CACNA1A: variants seen among roughly 807,000 people sequenced by gnomAD.
CACNA1A encodes voltage-dependent P/Q-type calcium channel subunit alpha-1A.
CACNA1A carries 57 observed loss-of-function variants against 262.4 expected under a neutral mutation model. The ratio of observed to expected loss-of-function variants is 0.22; its 90% confidence interval spans 0.18 to 0.27. CACNA1A has a LOEUF of 0.27. Among genes scored for constraint, CACNA1A ranks in the 10% least tolerant of loss-of-function variants. The probability of loss-of-function intolerance (pLI) is 1.00; values close to 1 mark genes in which losing one functional copy is unlikely to be tolerated. For synonymous variants in CACNA1A, 1,431 were observed against 1,419.3 expected, an observed-to-expected ratio of 1.01 and a Z score of -0.18; for missense variants, 2,526 against 3,562.8, an observed-to-expected ratio of 0.71 and a Z score of 7.41.
At chr19:13,264,447 C>T (rs1243840352) in intron 24 of CACNA1A, among the ~76,000 whole-genome samples, 2 of 152,256 alleles carry the variant, frequency 1.3e-5, no homozygotes, top group Non-Finnish European at 2.9e-5. Context: ...CACTCTTTCT[C>T]TTGCTCAGAA....
intron 19 of CACNA1A, among the ~76,000 whole-genome samples, chr19:13,287,222 G>T (rs1419709892): frequency 6.6e-6 from 1 of 152,078 alleles, no homozygotes; most frequent in African/African-American, 2.4e-5. Flanking sequence ...GTGGCGCTGT[G>T]TGCCTGTAGT....
At chr19:13,235,384 G>A (rs1427014305) in intron 32 of CACNA1A, 110 bp from the exon 33 acceptor site, 11 of 1,065,950 alleles carry the variant, frequency 1.0e-5, no homozygotes, top group Admixed American at 2.0e-5. Context: ...CATATGCCAC[G>A]TGCCAGAGTC....
At chr19:13,245,044 C>G in intron 31 of CACNA1A, 138 bp downstream of exon 31, 1 of 722,198 alleles carries the variant, frequency 1.4e-6, no homozygotes, top group East Asian at 2.7e-5. Flanking sequence ...CCAGTTCTCC[C>G]TCTCTGGTCA....
chr19:13,232,662 C>T (rs1478390593), intron 34 of CACNA1A, among the ~76,000 whole-genome samples: 4 of 149,886 alleles, frequency 2.7e-5, no homozygotes, highest in Non-Finnish European at 5.9e-5. Context: ...ACCCAGGAGG[C>T]GGAGGTTGCA....
chr19:13,452,831 T>TC lies in CACNA1A; in HGVS notation c.539+44dup, dbSNP rs1263598960. ...ACCACACCAACCAAAAGCCTCGTAA[T>TC]CCTTCAGCTAGTTAAATCCAAAGCG... On this transcript the variant is annotated intron_variant, in intron 3 of 46. Coordinates refer to ENST00000360228, the MANE Select transcript of CACNA1A (RefSeq NM_001127222.2). 1.9e-6 allele frequency: 3 copies of TC among 1,581,300 alleles called. No individual in the cohort carries two copies. The African/African-American group carries it at 4.1e-5, about 21-fold the overall frequency.
intron 3 of CACNA1A, among the ~76,000 whole-genome samples, chr19:13,426,301 G>A (rs1363407143): frequency 2.0e-5 from 3 of 152,132 alleles, no homozygotes; most frequent in East Asian, 3.8e-4. Context: ...TTAAAGAAAT[G>A]TAAGACATGC....
intron 1 of CACNA1A, among the ~76,000 whole-genome samples, chr19:13,484,364 A>G (rs1432284929): frequency 6.6e-6 from 1 of 152,142 alleles, no homozygotes; most frequent in East Asian, 1.9e-4. Context: ...TCCAAAGACC[A>G]TCTGTGGCAA....
chr19:13,333,016 T>C, intron 8 of CACNA1A, 91 bp from the exon 9 acceptor site: 1 of 983,036 alleles, frequency 1.0e-6, no homozygotes, highest in South Asian at 1.4e-5. Context: ...GCCACCCCCA[T>C]TCTCTGCTGA....
rs1035531839 is a variant in CACNA1A, at chr19:13,298,855, C to T, written c.2778G>A (p.Gly926=). 2 of 1,587,274 alleles carry T rather than the reference C, an allele frequency of 1.3e-6. No homozygotes were observed. Among genetic ancestry groups the T allele is most frequent in the Middle Eastern group, 1.8e-4 (1 of 5,416 alleles). ...GGTGCACGTGCCTCCGGTGGGGGTCCCCGGCCTTGCCTCGCTCGGCCTCGC... is the reference window on the plus strand; with the variant it reads ...GGTGCACGTGCCTCCGGTGGGGGTCTCCGGCCTTGCCTCGCTCGGCCTCGC... ...WEGEAERGKA[G]DPHRRHVHRQ... is the part of the protein sequence containing the mutation. The change falls in exon 19 of 47, where the codon GGG becomes GGA. Residue 926 remains glycine (G), a synonymous_variant. Transcript: ENST00000360228.
intron 36 of CACNA1A, among the ~76,000 whole-genome samples, chr19:13,229,472 C>G (rs888410613): frequency 5.9e-5 from 9 of 152,200 alleles, no homozygotes; most frequent in Admixed American, 5.9e-4. Context: ...AACCCACCCT[C>G]TGAAACCATT....
intron 1 of CACNA1A, among the ~76,000 whole-genome samples, chr19:13,470,591 T>C (rs1465262817): frequency 6.6e-6 from 1 of 152,218 alleles, no homozygotes; most frequent in Non-Finnish European, 1.5e-5. Flanking sequence ...TCGATGTATT[T>C]TGCCATTCTC....
chr19:13,371,086 C>G (rs964327977), intron 4 of CACNA1A: 2 of 152,198 alleles, frequency 1.3e-5, no homozygotes, highest in African/African-American at 4.8e-5. Context: ...TCATTACTGT[C>G]CACTCTAAGA....
At position 13,236,859 on chromosome 19, in the gene CACNA1A, A is replaced by G. The variant is rs147683539; in HGVS notation, c.4951-1129T>C. Among the ~76,000 whole-genome samples, 1,684 of 152,070 alleles carry G rather than the reference A, an allele frequency of 0.011. 11 individuals are homozygous for G. The highest frequency in any genetic ancestry group is 0.015 in the Non-Finnish European group (1,038 of 67,974). On this transcript the variant is annotated intron_variant, in intron 31 of 46. Coordinates refer to ENST00000360228, the MANE Select transcript of CACNA1A (RefSeq NM_001127222.2). The surrounding 1 kb of genome is among the most constrained non-coding windows in gnomAD (Gnocchi z 4.6). The stretch of plus-strand genomic sequence containing the variant: ...TGGAGAGTCAGGGAGGAGACCAGCT[A>G]GAGTTAAGTGGCCATTGTGGGGCTT...
intron 19 of CACNA1A, among the ~76,000 whole-genome samples, chr19:13,293,591 C>T (rs530523073): frequency 6.8e-4 from 103 of 150,608 alleles, no homozygotes; most frequent in African/African-American, 2.4e-3. Flanking sequence ...GGACTACAGG[C>T]GTGCACCACC....
chr19:13,456,197 A>G (rs2061004306), intron 1 of CACNA1A, among the ~76,000 whole-genome samples: 1 of 152,070 alleles, frequency 6.6e-6, no homozygotes, highest in Admixed American at 6.5e-5. Flanking sequence ...TAAATAAAAC[A>G]TTATGATCAG....
At chr19:13,487,791 T>C (rs2098628) in intron 1 of CACNA1A, among the ~76,000 whole-genome samples, 107,129 of 151,796 alleles carry the variant, frequency 0.71, 38,647 homozygotes, top group African/African-American at 0.87. Flanking sequence ...TCCAAGGCAC[T>C]CGCTCAGCAT....
intron 1 of CACNA1A, among the ~76,000 whole-genome samples, chr19:13,500,048 G>A (rs1486742656): frequency 2.6e-5 from 4 of 152,098 alleles, no homozygotes; most frequent in Non-Finnish European, 5.9e-5. Context: ...TCAAGGGGCC[G>A]CTGCATCCAA....
At chr19:13,419,673 T>C (rs2060283826) in intron 3 of CACNA1A, among the ~76,000 whole-genome samples, 1 of 152,100 alleles carries the variant, frequency 6.6e-6, no homozygotes, top group Non-Finnish European at 1.5e-5. Context: ...TGAGACCTTG[T>C]CTCAAAAGAT....
chr19:13,352,062 C>T (rs1315905954), intron 6 of CACNA1A, among the ~76,000 whole-genome samples: 2 of 152,140 alleles, frequency 1.3e-5, no homozygotes, highest in Non-Finnish European at 2.9e-5. Flanking sequence ...GTTCATTCTC[C>T]TCCCTTTCTC....
Sources: allele counts gnomAD v4.1 joint callset (sites outside exome capture counted in the v4.1 genomes callset), GRCh38; gene constraint gnomAD v4.1.1; non-coding constraint Gnocchi (gnomAD v3.1); transcripts MANE v1.5; gene names NCBI Gene and HGNC (gene_info 2026-07-23, HGNC 2026-07-21).